The following ARNT2 variants were observed in gnomAD, a reference collection of about 807,000 sequenced individuals.
ARNT2 encodes ARNT protein 2.
Under a neutral mutation model 91.7 loss-of-function variants are expected in ARNT2, and 36 were observed. That is an observed-to-expected ratio of 0.39 (90% CI 0.30 to 0.52). The LOEUF is 0.52. Among genes scored for constraint, ARNT2 ranks in the 20% least tolerant of loss-of-function variants. The probability of loss-of-function intolerance (pLI) is 0.72; values close to 1 mark genes in which losing one functional copy is unlikely to be tolerated. For synonymous variants in ARNT2, 365 were observed against 347.1 expected (o/e 1.05, Z -0.57); for missense variants, 775 against 939.3 (o/e 0.83, Z 2.29).
intron 8 of ARNT2, among the ~76,000 whole-genome samples, chr15:80,536,352 C>G (rs1231178940): frequency 6.6e-6 from 1 of 152,148 alleles, no homozygotes; most frequent in Non-Finnish European, 1.5e-5. Flanking sequence ...CATAGCTTGC[C>G]AGGAATCTGG....
intron 1 of ARNT2, among the ~76,000 whole-genome samples, chr15:80,445,490 G>A (rs528295513): frequency 6.6e-6 from 1 of 151,012 alleles, no homozygotes; most frequent in East Asian, 1.9e-4. Context: ...GGTGTGTGGT[G>A]TGTGTGAGTG....
At chr15:80,572,382 C>A (rs751470957) in intron 12 of ARNT2, among the ~76,000 whole-genome samples, 4 of 151,994 alleles carry the variant, frequency 2.6e-5, no homozygotes, top group Non-Finnish European at 4.4e-5. Context: ...TTACAGTGTT[C>A]CAGCCATGCA....
intron 11 of ARNT2, among the ~76,000 whole-genome samples, chr15:80,557,549 C>G (rs1270156833): frequency 6.6e-6 from 1 of 152,088 alleles, no homozygotes; most frequent in Non-Finnish European, 1.5e-5. Flanking sequence ...ACAACAAACC[C>G]CTGGGACATG....
chr15:80,425,453 A>C (rs1268407078), intron 1 of ARNT2, among the ~76,000 whole-genome samples: 2 of 152,212 alleles, frequency 1.3e-5, no homozygotes, highest in African/African-American at 4.8e-5. Flanking sequence ...ATAAACCTAA[A>C]TCAATAAAAA....
At position 80,580,545 on chromosome 15, in the gene ARNT2, G is replaced by C. The variant is rs375930452; in HGVS notation, c.1748G>C (p.Gly583Ala). 28 of 1,613,860 alleles carry C rather than the reference G, an allele frequency of 1.7e-5. No individual in the cohort carries two copies. Among genetic ancestry groups the C allele is most frequent in the Non-Finnish European group, 2.2e-5 (26 of 1,180,036 alleles). ...ACAGGGAGTCGTCCGCCCTTTCCGG[G>C]ACAGGTATGGGCATCTGTGAGGGCA... Reference protein sequence around the residue: ...AWTGSRPPFPGQQIPSQSSKT... With the variant: ...AWTGSRPPFPAQQIPSQSSKT... Residue 583 changes from glycine (G) to alanine (A), a missense_variant, in exon 16 of 19, where the codon GGA becomes GCA. By Grantham distance (60) the Gly-to-Ala change is moderately conservative. Transcript: ENST00000303329.
chr15:80,422,656 G>A (rs1457220883), intron 1 of ARNT2, among the ~76,000 whole-genome samples: 2 of 152,158 alleles, frequency 1.3e-5, no homozygotes, highest in Admixed American at 6.5e-5. Flanking sequence ...AACATGCTTC[G>A]GCTATCAATA....
chr15:80,540,323 G>T (rs8031754), intron 8 of ARNT2, among the ~76,000 whole-genome samples: 2 of 152,004 alleles, frequency 1.3e-5, no homozygotes, highest in Admixed American at 6.6e-5. Flanking sequence ...ACATGATTGC[G>T]TTTTTTTGTA....
intron 1 of ARNT2, among the ~76,000 whole-genome samples, chr15:80,406,704 T>C (rs1895606407): frequency 6.6e-6 from 1 of 152,208 alleles, no homozygotes; most frequent in African/African-American, 2.4e-5. Context: ...AGGGTATTGT[T>C]GGCGTTGCTA....
chr15:80,571,736 TA>T (rs1898587030), intron 12 of ARNT2, among the ~76,000 whole-genome samples: 1 of 152,216 alleles, frequency 6.6e-6, no homozygotes, highest in Admixed American at 6.5e-5. Flanking sequence ...GTTGCTAGCC[TA>T]GGGGCTCTTC....
At chr15:80,575,768 A>G (rs2141477137) in intron 14 of ARNT2, among the ~76,000 whole-genome samples, 1 of 152,320 alleles carries the variant, frequency 6.6e-6, no homozygotes, top group Admixed American at 6.5e-5. Context: ...CAAGGCACAC[A>G]GATCCAGGGC....
At chr15:80,495,120 G>A (rs1350208830) in intron 5 of ARNT2, among the ~76,000 whole-genome samples, 1 of 152,064 alleles carries the variant, frequency 6.6e-6, no homozygotes, top group Non-Finnish European at 1.5e-5. Context: ...TTATTCCATG[G>A]CCACTGATTC....
At chr15:80,518,347 C>G (rs1220818844) in intron 8 of ARNT2, among the ~76,000 whole-genome samples, 1 of 122,010 alleles carries the variant, frequency 8.2e-6, no homozygotes, top group African/African-American at 3.2e-5. Flanking sequence ...GTGGTGCAAT[C>G]TCAGCTCACT....
intron 5 of ARNT2, among the ~76,000 whole-genome samples, chr15:80,488,051 C>A (rs1010055650): frequency 1.3e-5 from 2 of 152,094 alleles, no homozygotes; most frequent in Non-Finnish European, 2.9e-5. Flanking sequence ...GAGAACAAGC[C>A]GCTTCCCTCT....
At chr15:80,495,616 G>C (rs952638401) in intron 5 of ARNT2, among the ~76,000 whole-genome samples, 10 of 152,224 alleles carry the variant, frequency 6.6e-5, no homozygotes, top group African/African-American at 2.4e-4. Flanking sequence ...TGTTTCTCAA[G>C]TCTCTGGCTT....
intron 12 of ARNT2, among the ~76,000 whole-genome samples, chr15:80,566,213 C>G (rs1272392460): frequency 6.6e-6 from 1 of 152,198 alleles, no homozygotes; most frequent in Non-Finnish European, 1.5e-5. Context: ...GCCTGCAGCC[C>G]TAGATTATGT....
chr15:80,569,950 C>T (rs569944320), intron 12 of ARNT2, among the ~76,000 whole-genome samples: 1 of 152,228 alleles, frequency 6.6e-6, no homozygotes, highest in Non-Finnish European at 1.5e-5. Flanking sequence ...TGGATTGCTG[C>T]CATCATGGGG....
At chr15:80,501,918 A>G (rs976525954) in intron 5 of ARNT2, among the ~76,000 whole-genome samples, 2 of 152,214 alleles carry the variant, frequency 1.3e-5, no homozygotes, top group Non-Finnish European at 2.9e-5. Context: ...AAATAGCGTA[A>G]TTACTAATTT....
intron 1 of ARNT2, among the ~76,000 whole-genome samples, chr15:80,437,921 C>CAACACACA (rs1896115612): frequency 2.1e-5 from 1 of 47,626 alleles, no homozygotes; most frequent in Non-Finnish European, 5.0e-5. Flanking sequence ...ATGTATTTAC[C>CAACACACA]TACACACACA....
intron 8 of ARNT2, among the ~76,000 whole-genome samples, chr15:80,537,021 A>T (rs144172606): frequency 6.6e-6 from 1 of 152,036 alleles, no homozygotes; most frequent in Non-Finnish European, 1.5e-5. Flanking sequence ...ATTACATGAC[A>T]TTGCCCCTCC....
Sources: gnomAD v4.1 joint callset for allele counts (sites outside exome capture counted in the v4.1 genomes callset) on GRCh38, gnomAD v4.1.1 for gene constraint, MANE v1.5 for transcripts, NCBI Gene and HGNC (gene_info 2026-07-23, HGNC 2026-07-21) for gene names.